Variants in PALM2AKAP2 observed in about 807,000 individuals in gnomAD.
The protein encoded by PALM2AKAP2 is PALM2 and AKAP2 fusion, also known as PALM2-AKAP2 fusion protein.
Under a neutral mutation model 71.5 loss-of-function variants are expected in PALM2AKAP2, and 37 were observed. That is an observed-to-expected ratio of 0.52 (90% confidence interval 0.40 to 0.68). The LOEUF (loss-of-function observed/expected upper bound fraction) is 0.68. PALM2AKAP2 is among the 30% of genes least tolerant of loss of function. PALM2AKAP2 has a pLI of 0.00. For synonymous variants in PALM2AKAP2, 468 were observed against 478.8 expected (o/e 0.98, Z 0.29); for missense variants, 1,224 against 1,191.8 (o/e 1.03, Z -0.40).
At chr9:109,814,640 G>A (rs1233756617) in intron 1 of PALM2AKAP2, among the ~76,000 whole-genome samples, 1 of 152,180 alleles carries the variant, frequency 6.6e-6, no homozygotes, top group African/African-American at 2.4e-5. Flanking sequence ...AAGGTGGTGT[G>A]GGACAATAAG....
intron 1 of PALM2AKAP2, among the ~76,000 whole-genome samples, chr9:110,118,511 G>A (rs1204234544): frequency 6.6e-6 from 1 of 152,134 alleles, no homozygotes; most frequent in African/African-American, 2.4e-5. Flanking sequence ...GCCTCCCAAA[G>A]TGCTGGGATT....
At chr9:109,841,929 G>A (rs1309877248) in intron 1 of PALM2AKAP2, among the ~76,000 whole-genome samples, 1 of 132,294 alleles carries the variant, frequency 7.6e-6, no homozygotes, top group African/African-American at 2.9e-5. Flanking sequence ...TGGAAGGGTA[G>A]AGGGGAGGGT....
At chr9:109,926,149 C>G (rs1298062405) in intron 5 of PALM2AKAP2, among the ~76,000 whole-genome samples, 1 of 152,138 alleles carries the variant, frequency 6.6e-6, no homozygotes, top group African/African-American at 2.4e-5. Flanking sequence ...AGTGTTTTCC[C>G]AGCGTCATTT....
chr9:109,663,410 G>A (rs1827431502), intron 1 of PALM2AKAP2, among the ~76,000 whole-genome samples: 1 of 152,188 alleles, frequency 6.6e-6, no homozygotes. Context: ...TGGTTTCAAA[G>A]AACTTCTTTA....
intron 3 of PALM2AKAP2, among the ~76,000 whole-genome samples, chr9:109,901,344 G>A (rs570012392): frequency 1.1e-4 from 16 of 152,332 alleles, no homozygotes; most frequent in African/African-American, 3.6e-4. Context: ...CGTGGAGGTT[G>A]TCACTATCTC....
chr9:109,815,950 G>A (rs144443035), intron 1 of PALM2AKAP2, among the ~76,000 whole-genome samples: 297 of 152,258 alleles, frequency 2.0e-3, no homozygotes, highest in African/African-American at 6.8e-3. Context: ...TCCCTGAGAG[G>A]TCAGGGCATG....
chr9:109,942,099 A>T (rs1245661906), intron 6 of PALM2AKAP2, among the ~76,000 whole-genome samples: 1 of 152,180 alleles, frequency 6.6e-6, no homozygotes, highest in East Asian at 1.9e-4. Flanking sequence ...TATTTTAGGT[A>T]CCTAGTTTAG....
At chr9:109,790,100 T>C (rs768652015) in intron 1 of PALM2AKAP2, among the ~76,000 whole-genome samples, 5 of 152,156 alleles carry the variant, frequency 3.3e-5, no homozygotes, top group Non-Finnish European at 7.3e-5. Flanking sequence ...AGAAAAGCCA[T>C]GTGAGGCCCA....
intron 1 of PALM2AKAP2, among the ~76,000 whole-genome samples, chr9:110,087,665 T>C (rs1588100415): frequency 6.6e-6 from 1 of 152,356 alleles, no homozygotes; most frequent in East Asian, 1.9e-4. Context: ...GATTTCTCTT[T>C]TCCCATTTCA....
At chr9:109,753,796 T>C (rs1828919523) in intron 1 of PALM2AKAP2, among the ~76,000 whole-genome samples, 1 of 151,122 alleles carries the variant, frequency 6.6e-6, no homozygotes, top group Admixed American at 6.6e-5. Context: ...TTGGAGTTCT[T>C]CACTTCTTTA....
intron 1 of PALM2AKAP2, among the ~76,000 whole-genome samples, chr9:109,764,011 AG>A (rs1330110572): frequency 6.6e-6 from 1 of 152,156 alleles, no homozygotes; most frequent in Admixed American, 6.5e-5. Context: ...CACAAGTACA[AG>A]GGGTAGGACT....
chr9:109,681,756 C>T (rs1827737011), intron 1 of PALM2AKAP2, among the ~76,000 whole-genome samples: 1 of 152,054 alleles, frequency 6.6e-6, no homozygotes, highest in Admixed American at 6.6e-5. Context: ...TCCTTCAAAC[C>T]ACATACCAAT....
intron 6 of PALM2AKAP2, among the ~76,000 whole-genome samples, chr9:109,983,037 G>A (rs1832305553): frequency 6.6e-6 from 1 of 152,086 alleles, no homozygotes. Context: ...AATAGAAGAG[G>A]GCACAGAACT....
intron 2 of PALM2AKAP2, 87 bp from the exon 9 acceptor site, chr9:110,156,229 GGTT>G (rs562054321): frequency 0.013 from 19,385 of 1,449,150 alleles, 203 homozygotes; most frequent in Non-Finnish European, 0.013. Flanking sequence ...CTGTGTCAGA[GGTT>G]GTTGCTCTTT....
chr9:110,031,071 G>T (rs1833269383), intron 7 of PALM2AKAP2, among the ~76,000 whole-genome samples: 1 of 152,120 alleles, frequency 6.6e-6, no homozygotes, highest in African/African-American at 2.4e-5. Context: ...GTAGGGTATT[G>T]GATTTGTCAT....
At chr9:109,710,004 TA>T (rs1828207574) in intron 1 of PALM2AKAP2, among the ~76,000 whole-genome samples, 1 of 152,066 alleles carries the variant, frequency 6.6e-6, no homozygotes, top group African/African-American at 2.4e-5. Context: ...GGTGTCCTTA[TA>T]AGAAGAAAAG....
intron 1 of PALM2AKAP2, among the ~76,000 whole-genome samples, chr9:109,837,225 A>G (rs1828506489): frequency 6.6e-6 from 1 of 152,242 alleles, no homozygotes; most frequent in African/African-American, 2.4e-5. Context: ...GCCAATATTC[A>G]ACATTCTTAA....
chr9:109,960,031 ACTT>A (rs1019168964), intron 6 of PALM2AKAP2, among the ~76,000 whole-genome samples: 3 of 152,108 alleles, frequency 2.0e-5, no homozygotes, highest in Non-Finnish European at 2.9e-5. Flanking sequence ...AAATGCAACA[ACTT>A]CTTCTCCATC....
chr9:109,697,728 A>G (rs1827993310), intron 1 of PALM2AKAP2, among the ~76,000 whole-genome samples: 1 of 152,186 alleles, frequency 6.6e-6, no homozygotes, highest in Non-Finnish European at 1.5e-5. Context: ...CATTATCTAT[A>G]TCTTAAGAAT....
Sources: allele counts gnomAD v4.1 joint callset (sites outside exome capture counted in the v4.1 genomes callset), GRCh38; gene constraint gnomAD v4.1.1; transcripts MANE v1.5; gene names NCBI Gene and HGNC (gene_info 2026-07-23, HGNC 2026-07-21).